Variants in PCDHA6 observed in about 807,000 individuals in gnomAD.
PCDHA6 encodes the protein protocadherin alpha-6.
In PCDHA6, 55 loss-of-function variants were observed where a neutral mutation model predicts 60.3. The observed-to-expected ratio is 0.91, with a 90% CI of 0.73 to 1.14. The LOEUF is 1.14. Among genes scored for constraint, PCDHA6 ranks in the 50% most tolerant of loss-of-function variants. The pLI is 0.00. For synonymous variants in PCDHA6, 652 were observed against 557.9 expected (o/e 1.17, Z -2.38); for missense variants, 1,327 against 1,256.5 (o/e 1.06, Z -0.85).
chr5:140,985,902 T>G (rs1026675848), intron 3 of PCDHA6, among the ~76,000 whole-genome samples: 2 of 151,212 alleles, frequency 1.3e-5, no homozygotes, highest in Non-Finnish European at 2.9e-5. Flanking sequence ...ACCACTCCCG[T>G]CTAATTTTTT....
Position 140,828,231 on chromosome 5 carries a change from G to C in PCDHA6, c.140G>C (p.Arg47Pro), listed in dbSNP as rs1554131117. The change falls in exon 1 of 4, where the codon CGG (arginine) becomes CCG (proline). Residue 47 changes from arginine (R) to proline (P), a missense_variant. Coordinates refer to ENST00000529310, the MANE Select transcript of PCDHA6 (RefSeq NM_018909.4). The part of the protein sequence containing the change: ...EEAKHGTFVG[R>P]IAQDLGLELA... ...GCCAAACACGGCACCTTCGTGGGCC[G>C]GATCGCGCAGGACCTGGGGCTGGAG... The C allele has an allele frequency of 4.3e-6, 7 of 1,613,882 alleles. No homozygotes were observed. The highest frequency in any genetic ancestry group is 5.9e-6 in the Non-Finnish European group (7 of 1,179,974).
intron 1 of PCDHA6, chr5:140,836,083 C>T (rs2150252253): frequency 1.9e-6 from 3 of 1,613,306 alleles, no homozygotes; most frequent in African/African-American, 2.7e-5. Context: ...GCACTGCTGG[C>T]GCCTCGGGTG....
rs201131092 is a variant in PCDHA6 at position 141,009,948 on chromosome 5, T to A, written c.*11T>A. ...AACAGTGACCAGTGAGGTCCTCAAATGGAAACAAGCCACTTAGCCAGTTTT... is the reference window on the plus strand; with the variant it reads ...AACAGTGACCAGTGAGGTCCTCAAAAGGAAACAAGCCACTTAGCCAGTTTT... On this transcript the variant is annotated 3_prime_UTR_variant, in exon 4 of 4. Coordinates refer to ENST00000529310, the MANE Select transcript of PCDHA6 (RefSeq NM_018909.4). The A allele has an allele frequency of 9.4e-6, 15 of 1,595,948 alleles. No homozygotes were observed. In the East Asian group the frequency reaches 3.4e-4, roughly 36 times the overall value.
intron 3 of PCDHA6, among the ~76,000 whole-genome samples, chr5:141,004,385 G>C (rs1388217607): frequency 6.6e-6 from 1 of 152,192 alleles, no homozygotes; most frequent in Non-Finnish European, 1.5e-5. Flanking sequence ...TGCGGAAGCT[G>C]GACATGTGGA....
At position 140,828,142 on chromosome 5, in the gene PCDHA6, G is replaced by A; in HGVS notation, c.51G>A (p.Pro17=). The A allele has an allele frequency of 1.2e-6, 2 of 1,613,968 alleles. No homozygotes were observed. The highest frequency in any genetic ancestry group is 1.3e-5 in the African/African-American group (1 of 75,062). Residue 17 remains proline, a synonymous_variant, in exon 1 of 4, where the codon CCG becomes CCA. Coordinates refer to ENST00000529310, the MANE Select transcript of PCDHA6 (RefSeq NM_018909.4). ...TGGGAAAGCAATGTCTGCTCCTCCC[G>A]CTTCTGCTCCTCGCAGCCTGGAAGG... The part of the protein sequence containing the change: ...DRLGKQCLLL[P]LLLLAAWKVG...
intron 1 of PCDHA6, among the ~76,000 whole-genome samples, chr5:140,873,040 T>C (rs2153278087): frequency 6.6e-6 from 1 of 152,312 alleles, no homozygotes; most frequent in South Asian, 2.1e-4. Flanking sequence ...CGTAGAGTGG[T>C]GGTATTACAG....
In PCDHA6 at chr5:140,848,642, G is replaced by T. The variant is rs148369101; in HGVS notation, c.2394+18157G>T. On this transcript the variant is annotated intron_variant, in intron 1 of 3. Coordinates refer to ENST00000529310, the MANE Select transcript of PCDHA6 (RefSeq NM_018909.4). ...ACGGCACCTTCGTGGGCCGCATCGC[G>T]CAGGACCTGGGGCTGGAGCTGGCGG... 1.4e-5 allele frequency: 23 copies of T among 1,593,086 alleles called. 1 individual carries two copies. Among genetic ancestry groups the T allele is most frequent in the Admixed American group, 5.1e-5 (3 of 59,214 alleles).
intron 1 of PCDHA6, chr5:140,927,172 G>T: frequency 1.2e-6 from 2 of 1,614,152 alleles, no homozygotes; most frequent in Non-Finnish European, 1.7e-6. Flanking sequence ...AGCTGCCTGC[G>T]TCTTGACCTA....
chr5:140,946,327 G>C (rs2093929992), intron 1 of PCDHA6, among the ~76,000 whole-genome samples: 2 of 151,720 alleles, frequency 1.3e-5, no homozygotes, highest in Non-Finnish European at 3.0e-5. Flanking sequence ...AAAGAGGAAA[G>C]ATAACAAGTG....
chr5:140,973,666 A>G (rs531003588), intron 1 of PCDHA6, among the ~76,000 whole-genome samples: 8 of 152,322 alleles, frequency 5.3e-5, no homozygotes, highest in African/African-American at 1.9e-4. Flanking sequence ...TATTTATTGT[A>G]GCTTGAATGT....
intron 1 of PCDHA6, chr5:140,862,621 C>G (rs1452170238): frequency 1.9e-6 from 1 of 528,602 alleles, no homozygotes; most frequent in Admixed American, 2.0e-5. Context: ...TAACAACCCG[C>G]GGGGCTGCCA....
intron 2 of PCDHA6, among the ~76,000 whole-genome samples, chr5:140,979,327 C>T (rs1446940311): frequency 5.9e-5 from 9 of 152,078 alleles, no homozygotes; most frequent in African/African-American, 2.2e-4. Context: ...CTTTCTTTTC[C>T]TCCTTTAAAA....
intron 1 of PCDHA6, chr5:140,854,437 A>G (rs551404343): frequency 6.6e-6 from 1 of 150,916 alleles, no homozygotes; most frequent in African/African-American, 2.4e-5. Context: ...AATTTGAATG[A>G]ATTTTGATGC....
At chr5:140,958,406 G>A (rs576536874) in intron 1 of PCDHA6, among the ~76,000 whole-genome samples, 2 of 152,204 alleles carry the variant, frequency 1.3e-5, no homozygotes, top group African/African-American at 4.8e-5. Context: ...CATTATCACT[G>A]ATGCTTGGAA....
chr5:140,871,184 A>T, intron 1 of PCDHA6: 1 of 1,613,552 alleles, frequency 6.2e-7, no homozygotes, highest in Non-Finnish European at 8.5e-7. Flanking sequence ...GCGCTGGTGG[A>T]TGTCAACGTG....
chr5:140,947,229 GA>G lies in PCDHA6; in HGVS notation c.2395-31711del, dbSNP rs201242412. On this transcript the variant is annotated intron_variant, in intron 1 of 3. Transcript: ENST00000529310. ...AAGAAAATCCTGTCATTTATGACAGGAAAAAAAAATAAGATAATCCAATGTA... is the reference window on the plus strand; with the variant it reads ...AAGAAAATCCTGTCATTTATGACAGGAAAAAAAATAAGATAATCCAATGTA... 1.0e-3 allele frequency among the ~76,000 whole-genome samples: 154 copies of G among 148,902 alleles called. 1 individual carries two copies. The highest frequency in any genetic ancestry group is 8.9e-3 in the Admixed American group (133 of 14,994).
rs371577720 is a variant in PCDHA6 at position 140,877,172 on chromosome 5, C to G, written c.2394+46687C>G. 239 of 1,613,700 alleles carry G rather than the reference C, an allele frequency of 1.5e-4. No homozygotes were observed. Among genetic ancestry groups the G allele is most frequent in the Non-Finnish European group, 1.9e-4 (229 of 1,179,846 alleles). On this transcript the variant is annotated intron_variant, in intron 1 of 3. Transcript: ENST00000529310. ...AACGACAACGCGCCGGCACTGCTGG[C>G]GACTCCGGCTGGCAGCGCAGGAGGC...
intron 1 of PCDHA6, among the ~76,000 whole-genome samples, chr5:140,948,438 G>A (rs2094254732): frequency 6.6e-6 from 1 of 151,474 alleles, no homozygotes; most frequent in South Asian, 2.1e-4. Context: ...GAAACATTCT[G>A]TGCCAGGGAT....
At chr5:141,005,594 C>T (rs534928198) in intron 3 of PCDHA6, among the ~76,000 whole-genome samples, 10 of 147,680 alleles carry the variant, frequency 6.8e-5, no homozygotes, top group African/African-American at 1.8e-4. Flanking sequence ...CCCAGCTACA[C>T]AGGAGGCTGA....
Sources: allele counts gnomAD v4.1 joint callset (sites outside exome capture counted in the v4.1 genomes callset), GRCh38; gene constraint gnomAD v4.1.1; transcripts MANE v1.5; gene names NCBI Gene and HGNC (gene_info 2026-07-23, HGNC 2026-07-21).